Variants in GLIS1 observed in about 807,000 individuals in gnomAD.
GLIS1 encodes the protein zinc finger protein GLIS1.
GLIS1 carries 24 observed loss-of-function variants against 63.8 expected under a neutral mutation model. The ratio of observed to expected loss-of-function variants is 0.38; its 90% CI spans 0.27 to 0.53. The LOEUF (loss-of-function observed/expected upper bound fraction) is 0.53, where lower values mean the gene tolerates loss of function less well. GLIS1 is among the 20% of genes least tolerant of loss of function. The pLI is 0.85. For synonymous variants in GLIS1, 450 were observed against 482.5 expected (o/e 0.93, Z 0.88); for missense variants, 1,036 against 1,074.1 (o/e 0.96, Z 0.50).
chr1:53,659,809 C>A (rs1389776660), intron 2 of GLIS1, among the ~76,000 whole-genome samples: 1 of 152,218 alleles, frequency 6.6e-6, no homozygotes, highest in Non-Finnish European at 1.5e-5. Flanking sequence ...GATCCCACCT[C>A]AGTGGGTCTA....
At chr1:53,706,382 T>C (rs369147657) in intron 2 of GLIS1, among the ~76,000 whole-genome samples, 1 of 152,202 alleles carries the variant, frequency 6.6e-6, no homozygotes, top group African/African-American at 2.4e-5. Flanking sequence ...AAAAGATGCG[T>C]TCTTTTCCCT....
intron 4 of GLIS1, among the ~76,000 whole-genome samples, chr1:53,555,211 A>G (rs1290868211): frequency 6.6e-6 from 1 of 152,212 alleles, no homozygotes; most frequent in African/African-American, 2.4e-5. Context: ...GTGGCTCTGA[A>G]GGCTGCTGAG....
chr1:53,643,852 C>G (rs987141632), intron 2 of GLIS1, among the ~76,000 whole-genome samples: 1 of 152,128 alleles, frequency 6.6e-6, no homozygotes, highest in Non-Finnish European at 1.5e-5. Flanking sequence ...GTCCAAACGT[C>G]CCCCAGTAAG....
chr1:53,725,013 T>C (rs571100983), intron 2 of GLIS1, among the ~76,000 whole-genome samples: 7 of 152,132 alleles, frequency 4.6e-5, no homozygotes, highest in African/African-American at 1.7e-4. Context: ...CCCCAGCAAA[T>C]AGCTCTTCCG....
intron 2 of GLIS1, among the ~76,000 whole-genome samples, chr1:53,607,086 A>T (rs3013749): frequency 0.73 from 111,561 of 152,034 alleles, 41,269 homozygotes; most frequent in Middle Eastern, 0.85. Context: ...TGCTAGCAAA[A>T]TCACACATAT....
chr1:53,594,412 AG>A lies in GLIS1; in HGVS notation c.1015del (p.Leu339CysfsTer120). 6.2e-7 allele frequency: 1 copy of A among 1,612,410 alleles called. No homozygotes were observed. Among genetic ancestry groups the A allele is most frequent in the Non-Finnish European group, 8.5e-7 (1 of 1,179,592 alleles). ...SELFGPHQQG[L>X]PPPYPLSQLP... ...CTGAGACAGGGGATAGGGGGGCGGC[AG>A]GCCCTGCTGGTGAGGCCCAAAGAGC... On this transcript the variant is annotated frameshift_variant, in exon 4 of 11. Coordinates refer to ENST00000628545, the MANE Select transcript of GLIS1 (RefSeq NM_001367484.1). LOFTEE classifies it high-confidence loss of function.
At chr1:53,734,998 C>T (rs1326497157) in intron 2 of GLIS1, among the ~76,000 whole-genome samples, 1 of 152,178 alleles carries the variant, frequency 6.6e-6, no homozygotes, top group Non-Finnish European at 1.5e-5. Flanking sequence ...CCAGTGCCTC[C>T]CGATTCCAGA....
rs1038325693 is a variant in GLIS1, at chr1:53,541,929, C to T, written c.1321-11977G>A. On this transcript the variant is annotated intron_variant, in intron 4 of 10. Coordinates refer to ENST00000628545, the MANE Select transcript of GLIS1 (RefSeq NM_001367484.1). ...GGTGCCTGGTGCACAGGTCTGTAATCCACAGCTCCTCCTGTGGCCAGTGAT... is the reference window on the plus strand; with the variant it reads ...GGTGCCTGGTGCACAGGTCTGTAATTCACAGCTCCTCCTGTGGCCAGTGAT... Among the ~76,000 whole-genome samples the T allele has an allele frequency of 1.4e-4, 21 of 152,236 alleles. 1 individual carries two copies. Among genetic ancestry groups the T allele is most frequent in the Admixed American group, 1.4e-3 (21 of 15,284 alleles).
rs992859192 is a variant in GLIS1 at position 53,511,575 on chromosome 1, G to C, written c.1884-1548C>G. On this transcript the variant is annotated intron_variant, in intron 8 of 10. Transcript: ENST00000628545. This position sits in a 1 kb window ranked among gnomAD's most constrained non-coding sequence, Gnocchi z 4.2. ...TCCCTGGCCCGGCCACTGATACACTGTGGGTCCCTGTCACTGTTTTAAGTT... is the reference window on the plus strand; with the variant it reads ...TCCCTGGCCCGGCCACTGATACACTCTGGGTCCCTGTCACTGTTTTAAGTT... Among the ~76,000 whole-genome samples, 1 of 152,158 alleles carries C rather than the reference G, an allele frequency of 6.6e-6. No homozygotes were observed. The highest frequency in any genetic ancestry group is 2.4e-5 in the African/African-American group (1 of 41,448).
chr1:53,547,161 G>C (rs912310838), intron 4 of GLIS1, among the ~76,000 whole-genome samples: 3 of 152,220 alleles, frequency 2.0e-5, no homozygotes, highest in Admixed American at 1.3e-4. Context: ...GAGTTGAAAG[G>C]GATGTTAGAG....
chr1:53,575,353 T>C (rs918286335), intron 4 of GLIS1, among the ~76,000 whole-genome samples: 1 of 152,104 alleles, frequency 6.6e-6, no homozygotes, highest in African/African-American at 2.4e-5. Context: ...CAGTCCCCCA[T>C]CACCGGGCCC....
In GLIS1 at chr1:53,697,553, C is replaced by T. The variant is rs191256448; in HGVS notation, c.259+40253G>A. On this transcript the variant is annotated intron_variant, in intron 2 of 10. Coordinates refer to ENST00000628545, the MANE Select transcript of GLIS1 (RefSeq NM_001367484.1). ...ACAGGTTCAGGATGTGATCCACCCCCAGCAGAGATCCAACCCCTGCTCAGG... is the reference window on the plus strand; with the variant it reads ...ACAGGTTCAGGATGTGATCCACCCCTAGCAGAGATCCAACCCCTGCTCAGG... Among the ~76,000 whole-genome samples the T allele has an allele frequency of 2.0e-5, 3 of 152,308 alleles. No homozygotes were observed. In the East Asian group the frequency reaches 5.8e-4, roughly 29 times the overall value.
At chr1:53,564,391 C>CA in intron 4 of GLIS1, among the ~76,000 whole-genome samples, 1 of 151,834 alleles carries the variant, frequency 6.6e-6, no homozygotes, top group East Asian at 1.9e-4. Context: ...GCAACAACAA[C>CA]AAAACTAAGC....
chr1:53,722,761 A>T (rs1353898998), intron 2 of GLIS1, among the ~76,000 whole-genome samples: 3 of 150,282 alleles, frequency 2.0e-5, no homozygotes, highest in Non-Finnish European at 1.5e-5. Flanking sequence ...GAGCCCGGGG[A>T]GGTGGAGGCT....
chr1:53,709,023 G>C (rs1646610363), intron 2 of GLIS1, among the ~76,000 whole-genome samples: 1 of 151,988 alleles, frequency 6.6e-6, no homozygotes, highest in African/African-American at 2.4e-5. Flanking sequence ...TCCTCCACTA[G>C]TACACTCCAT....
At chr1:53,694,145 C>A (rs1190505646) in intron 2 of GLIS1, among the ~76,000 whole-genome samples, 1 of 152,182 alleles carries the variant, frequency 6.6e-6, no homozygotes, top group East Asian at 1.9e-4. Flanking sequence ...GGGGCTCTGG[C>A]CCAATCTGGG....
intron 2 of GLIS1, among the ~76,000 whole-genome samples, chr1:53,732,476 T>A (rs1416514698): frequency 6.6e-6 from 1 of 152,218 alleles, no homozygotes; most frequent in South Asian, 2.1e-4. Flanking sequence ...AAGCTTTTTT[T>A]TTTTTTTCAT....
rs1007822292 is a variant in GLIS1, at chr1:53,594,339, G to A, written c.1089C>T (p.Gly363=). 8.7e-6 allele frequency: 14 copies of A among 1,611,412 alleles called. No individual in the cohort carries two copies. The highest frequency in any genetic ancestry group is 1.3e-5 in the African/African-American group (1 of 74,930). ...ACGCCTGCCGCCCGGCCACCACCCT[G>A]CCTGCCAGGCCCAGCCCCAGGCCTC... The part of the protein sequence containing the change: ...SLGGLGLGLA[G]RVVAGRQACR... The change falls in exon 4 of 11, where the codon GGC becomes GGT. Residue 363 remains glycine, a synonymous_variant. Transcript: ENST00000628545.
intron 2 of GLIS1, among the ~76,000 whole-genome samples, chr1:53,678,689 A>G (rs1646242103): frequency 6.6e-6 from 1 of 152,140 alleles, no homozygotes; most frequent in Non-Finnish European, 1.5e-5. Flanking sequence ...AGTTAAATGA[A>G]TGCATCACTG....
Sources: gnomAD v4.1 joint callset for allele counts (sites outside exome capture counted in the v4.1 genomes callset) on GRCh38, gnomAD v4.1.1 for gene constraint, Gnocchi (gnomAD v3.1) non-coding constraint, MANE v1.5 for transcripts, NCBI Gene and HGNC (gene_info 2026-07-23, HGNC 2026-07-21) for gene names.